Variants in JARID2 observed in about 807,000 individuals in gnomAD.
The protein encoded by JARID2 is jumonji and AT-rich interaction domain containing 2.
In JARID2, 21 loss-of-function variants were observed where a neutral mutation model predicts 125.6. The ratio of observed to expected loss-of-function variants is 0.17; its 90% CI spans 0.12 to 0.24. The LOEUF is 0.24. Among genes scored for constraint, JARID2 ranks in the 10% least tolerant of loss-of-function variants. JARID2 has a pLI of 1.00. For missense variants in JARID2, 1,303 were observed against 1,639.6 expected, an observed-to-expected ratio of 0.79 and a Z score of 3.55; for synonymous variants, 736 against 661.6, an observed-to-expected ratio of 1.11 and a Z score of -1.73.
Position 15,433,418 on chromosome 6 carries a change from G to GTGTA in JARID2, c.324-18585_324-18584insATGT, listed in dbSNP as rs1222263961. Among the ~76,000 whole-genome samples, 118 of 101,796 alleles carry GTGTA rather than the reference G, an allele frequency of 1.2e-3. 1 individual carries two copies. Among genetic ancestry groups the GTGTA allele is most frequent in the Non-Finnish European group, 2.2e-3 (97 of 43,770 alleles). 66.8% of individuals were successfully genotyped at this position (101,796 alleles called of 152,430 possible). A position where few individuals can be genotyped will look rare whatever the true frequency, so the allele number is the denominator to read the frequency against. ...CCAACCCCCATGTCTCTCTGTGTGT[G>GTGTA]TGTGTGTGTGTGTGTGTGTGTGTGT... On this transcript the variant is annotated intron_variant, in intron 3 of 17. Transcript: ENST00000341776.
chr6:15,284,643 C>G (rs139546803), intron 1 of JARID2, among the ~76,000 whole-genome samples: 1 of 151,762 alleles, frequency 6.6e-6, no homozygotes. Flanking sequence ...CCTGCCAACA[C>G]GCTTGGCTAA....
chr6:15,350,949 C>G (rs1270055883), intron 1 of JARID2, among the ~76,000 whole-genome samples: 2 of 150,946 alleles, frequency 1.3e-5, no homozygotes, highest in African/African-American at 2.4e-5. Context: ...TCCAGGGTAG[C>G]TGGAGGCAGG....
At chr6:15,248,988 C>T in intron 1 of JARID2, 3 of 984,282 alleles carry the variant, frequency 3.0e-6, no homozygotes, top group South Asian at 4.7e-5. Context: ...AGCCGTAGGT[C>T]CCCAAAGGAG....
chr6:15,279,813 A>T (rs747358079), intron 1 of JARID2, among the ~76,000 whole-genome samples: 30 of 152,144 alleles, frequency 2.0e-4, no homozygotes, highest in Non-Finnish European at 1.0e-4. Context: ...ATAAAATCTA[A>T]ACTCTTAAGC....
intron 1 of JARID2, among the ~76,000 whole-genome samples, chr6:15,285,707 T>G (rs1360376199): frequency 6.6e-6 from 1 of 152,124 alleles, no homozygotes; most frequent in Non-Finnish European, 1.5e-5. Flanking sequence ...GGTTAGAGGA[T>G]AACAATTCTA....
chr6:15,513,098 G>C (rs914002211), intron 15 of JARID2, 53 bp downstream of exon 15: 63 of 1,610,636 alleles, frequency 3.9e-5, no homozygotes, highest in Non-Finnish European at 4.9e-5. Context: ...TGCCCTTCGG[G>C]GGCTCACCCC....
intron 6 of JARID2, among the ~76,000 whole-genome samples, chr6:15,493,841 G>C (rs1770273617): frequency 6.6e-6 from 1 of 152,216 alleles, no homozygotes; most frequent in African/African-American, 2.4e-5. Flanking sequence ...CAGATTAACA[G>C]TACTTACCAC....
chr6:15,317,815 C>T (rs963328053), intron 1 of JARID2, among the ~76,000 whole-genome samples: 5 of 152,128 alleles, frequency 3.3e-5, no homozygotes, highest in Non-Finnish European at 7.4e-5. Context: ...ACACAGCTGG[C>T]GCGTGGAGAG....
chr6:15,364,808 C>T (rs1421176648), intron 1 of JARID2, among the ~76,000 whole-genome samples: 1 of 152,150 alleles, frequency 6.6e-6, no homozygotes, highest in African/African-American at 2.4e-5. Context: ...GATGACAGAA[C>T]CGTTCTGTAG....
chr6:15,367,979 T>A (rs1764037071), intron 1 of JARID2, among the ~76,000 whole-genome samples: 1 of 152,094 alleles, frequency 6.6e-6, no homozygotes, highest in African/African-American at 2.4e-5. Flanking sequence ...GGGCCCATAT[T>A]ATTGAAGAGT....
intron 2 of JARID2, among the ~76,000 whole-genome samples, chr6:15,408,110 A>G (rs915744123): frequency 6.6e-6 from 1 of 152,020 alleles, no homozygotes; most frequent in Non-Finnish European, 1.5e-5. Flanking sequence ...CAAAAAATAC[A>G]AGGATTAGCT....
chr6:15,284,281 C>T (rs1414514824), intron 1 of JARID2, among the ~76,000 whole-genome samples: 1 of 152,166 alleles, frequency 6.6e-6, no homozygotes, highest in Non-Finnish European at 1.5e-5. Flanking sequence ...CTTCTTTCAG[C>T]CACATATTAT....
At chr6:15,415,190 A>G (rs1330039538) in intron 3 of JARID2, among the ~76,000 whole-genome samples, 1 of 150,820 alleles carries the variant, frequency 6.6e-6, no homozygotes, top group Non-Finnish European at 1.5e-5. Flanking sequence ...ACGGAACAAA[A>G]TGAAAAGTCT....
chr6:15,374,141 T>C lies in JARID2; in HGVS notation c.70T>C (p.Ser24Pro), dbSNP rs1443231158. The C allele has an allele frequency of 3.1e-6, 5 of 1,614,026 alleles. No individual in the cohort carries two copies. The East Asian group carries it at 8.9e-5, about 29-fold the overall frequency. ...GGATGACAGTGATGGGATTCCGTGG[T>C]CAGAAGAACGGGTGGTACGTAAAGT... ...KYDDSDGIPW[S>P]EERVVRKVLY... The change falls in exon 2 of 18, where the codon TCA becomes CCA. Residue 24 changes from serine (S) to proline (P), a missense_variant. Ser to Pro is a moderately conservative substitution (Grantham distance 74). Coordinates refer to ENST00000341776, the MANE Select transcript of JARID2 (RefSeq NM_004973.4).
intron 16 of JARID2, among the ~76,000 whole-genome samples, chr6:15,516,085 A>G (rs1433857088): frequency 6.6e-6 from 1 of 151,544 alleles, no homozygotes; most frequent in Non-Finnish European, 1.5e-5. Context: ...GATTACTAAT[A>G]CATTTGTGAA....
chr6:15,487,447 G>A lies in JARID2; in HGVS notation c.811G>A (p.Ala271Thr), dbSNP rs369809671. Residue 271 changes from alanine (A) to threonine (T), a missense_variant, in exon 6 of 18, where the codon GCA (alanine) becomes ACA (threonine). Coordinates refer to ENST00000341776, the MANE Select transcript of JARID2 (RefSeq NM_004973.4). ...GGAGCAGGCTTCAGCTAACCACCCCGCAGCGGCCCCCTCCACGGGTTCCTC... is the reference window on the plus strand; with the variant it reads ...GGAGCAGGCTTCAGCTAACCACCCCACAGCGGCCCCCTCCACGGGTTCCTC... ...RREQASANHP[A>T]AAPSTGSSAK... The A allele has an allele frequency of 2.0e-5, 33 of 1,614,062 alleles. No individual in the cohort carries two copies. The East Asian group carries it at 3.3e-4, about 16-fold the overall frequency.
intron 1 of JARID2, among the ~76,000 whole-genome samples, chr6:15,312,649 T>C (rs1762053649): frequency 1.3e-5 from 2 of 152,224 alleles, no homozygotes; most frequent in Admixed American, 6.5e-5. Flanking sequence ...TCATCCAGGC[T>C]GTGTGTATGG....
intron 1 of JARID2, among the ~76,000 whole-genome samples, chr6:15,330,942 T>G (rs959605433): frequency 2.6e-5 from 4 of 151,858 alleles, no homozygotes; most frequent in Admixed American, 1.3e-4. Context: ...TGTGTTGTAA[T>G]TAAGTAATTG....
chr6:15,385,061 A>G (rs1467726839), intron 2 of JARID2, among the ~76,000 whole-genome samples: 1 of 152,166 alleles, frequency 6.6e-6, no homozygotes, highest in African/African-American at 2.4e-5. Context: ...AGGCTGTGCT[A>G]TGCTCTGTTC....
Sources: allele counts gnomAD v4.1 joint callset (sites outside exome capture counted in the v4.1 genomes callset), GRCh38; gene constraint gnomAD v4.1.1; transcripts MANE v1.5; gene names NCBI Gene and HGNC (gene_info 2026-07-23, HGNC 2026-07-21).